PCDHA5: variants seen among roughly 807,000 people sequenced by gnomAD.
The protein encoded by PCDHA5 is protocadherin alpha-5.
A neutral mutation model predicts 61.6 loss-of-function variants in PCDHA5; 43 were observed. The ratio of observed to expected loss-of-function variants is 0.70; its 90% CI spans 0.55 to 0.90. The LOEUF is 0.90. Among genes scored for constraint, PCDHA5 ranks in the 40% least tolerant of loss-of-function variants. PCDHA5 has a pLI of 0.00. For synonymous variants in PCDHA5, 627 were observed against 543.9 expected, an observed-to-expected ratio of 1.15 and a Z score of -2.13; for missense variants, 1,298 against 1,222.7, an observed-to-expected ratio of 1.06 and a Z score of -0.92.
At chr5:140,992,152 A>G (rs1440263664) in intron 3 of PCDHA5, among the ~76,000 whole-genome samples, 2 of 152,004 alleles carry the variant, frequency 1.3e-5, no homozygotes, top group Non-Finnish European at 2.9e-5. Context: ...ACTTTGCTCA[A>G]TCAAGAAGTG....
rs1767274274 is a variant in PCDHA5, at chr5:140,822,325, A to G, written c.550A>G (p.Asn184Asp). The change falls in exon 1 of 4, where the codon AAT becomes GAT. Residue 184 changes from asparagine to aspartate, a missense_variant. Asn to Asp is a conservative substitution (Grantham distance 23, BLOSUM62 1). Coordinates refer to ENST00000529859, the MANE Select transcript of PCDHA5 (RefSeq NM_018908.3). The part of the protein sequence containing the change: ...NEYFDLDVKT[N>D]EEETNFLELV... ...ATATTTTGACTTAGATGTTAAAACAAATGAAGAAGAAACGAACTTTTTAGA... is the reference window on the plus strand; with the variant it reads ...ATATTTTGACTTAGATGTTAAAACAGATGAAGAAGAAACGAACTTTTTAGA... 1 of 1,614,194 alleles carries G rather than the reference A, an allele frequency of 6.2e-7. No individual in the cohort carries two copies. Among genetic ancestry groups the G allele is most frequent in the Non-Finnish European group, 8.5e-7 (1 of 1,180,018 alleles).
chr5:141,001,324 C>G (rs1455380423), intron 3 of PCDHA5, among the ~76,000 whole-genome samples: 2 of 152,154 alleles, frequency 1.3e-5, no homozygotes, highest in Non-Finnish European at 1.5e-5. Flanking sequence ...TGCCAAACAT[C>G]ACCATAATTT....
rs782398517 is a variant in PCDHA5 at position 140,857,600 on chromosome 5, G to T, written c.2352+33473G>T. 9 of 1,596,344 alleles carry T rather than the reference G, an allele frequency of 5.6e-6. No homozygotes were observed. Among genetic ancestry groups the T allele is most frequent in the Non-Finnish European group, 7.7e-6 (9 of 1,167,692 alleles). On this transcript the variant is annotated intron_variant, in intron 1 of 3. Transcript: ENST00000529859. ...GCACGCGGAGAGCGGCAAGGTGTAC[G>T]CGCTGCAGCCGCTGGACCACGAGGA...
chr5:140,846,514 A>G (rs1554141354), intron 1 of PCDHA5, among the ~76,000 whole-genome samples: 1 of 147,154 alleles, frequency 6.8e-6, no homozygotes, highest in African/African-American at 2.5e-5. Flanking sequence ...AGCTGGGATT[A>G]CAGGTGCATG....
At chr5:140,843,439 G>A (rs2150360020) in intron 1 of PCDHA5, 5 of 1,596,092 alleles carry the variant, frequency 3.1e-6, no homozygotes, top group South Asian at 1.1e-5. Context: ...CCATCTGCGC[G>A]GTATCCAGCC....
intron 1 of PCDHA5, among the ~76,000 whole-genome samples, chr5:140,947,763 A>C (rs1392881813): frequency 1.3e-5 from 2 of 151,658 alleles, no homozygotes; most frequent in Non-Finnish European, 3.0e-5. Context: ...TGGTTTAAAA[A>C]ATTCTATTGT....
chr5:140,964,079 G>A (rs1209152794), intron 1 of PCDHA5, among the ~76,000 whole-genome samples: 3 of 152,178 alleles, frequency 2.0e-5, no homozygotes, highest in African/African-American at 7.2e-5. Flanking sequence ...GTTAATATTT[G>A]TAGAAAGGGT....
At position 140,848,981 on chromosome 5, in the gene PCDHA5, C is replaced by A. The variant is rs2150427833; in HGVS notation, c.2352+24854C>A. 2.6e-5 allele frequency: 41 copies of A among 1,598,746 alleles called. No homozygotes were observed. The Middle Eastern group carries it at 5.0e-4, about 19-fold the overall frequency. On this transcript the variant is annotated intron_variant, in intron 1 of 3. Transcript: ENST00000529859. ...TAGAGGGCGCGTCCGATGCAGATAT[C>A]GGGGAGAACGCCCTGCTCACTTACA...
chr5:140,842,884 G>T, intron 1 of PCDHA5: 1 of 1,594,190 alleles, frequency 6.3e-7, no homozygotes, highest in South Asian at 1.1e-5. Context: ...ACGCGCTGCA[G>T]CCGCTGGACC....
At chr5:140,852,885 AT>A (rs2150523673) in intron 1 of PCDHA5, 17,743 of 732,756 alleles carry the variant, frequency 0.024, 6 homozygotes, top group Non-Finnish European at 0.027. Flanking sequence ...CATAAAACGT[AT>A]TTTTTTTTTT....
intron 1 of PCDHA5, among the ~76,000 whole-genome samples, chr5:140,939,732 G>C (rs2092446551): frequency 6.6e-6 from 1 of 152,168 alleles, no homozygotes; most frequent in African/African-American, 2.4e-5. Context: ...GTTGTGTGTA[G>C]CTGTGTATCA....
chr5:140,940,076 T>C (rs1469877434), intron 1 of PCDHA5, among the ~76,000 whole-genome samples: 2 of 152,230 alleles, frequency 1.3e-5, no homozygotes, highest in Non-Finnish European at 2.9e-5. Flanking sequence ...ATGTGATATC[T>C]TTCTGCTAAA....
At chr5:140,875,447 C>G (rs532829491) in intron 1 of PCDHA5, 1 of 1,584,206 alleles carries the variant, frequency 6.3e-7, no homozygotes, top group African/African-American at 1.4e-5. Flanking sequence ...CTGATTGTCC[C>G]AACTCAGAGG....
At chr5:140,962,546 G>A (rs2095690873) in intron 1 of PCDHA5, among the ~76,000 whole-genome samples, 7 of 152,094 alleles carry the variant, frequency 4.6e-5, no homozygotes, top group Admixed American at 4.6e-4. Flanking sequence ...TAAAAATGTA[G>A]AGGATCTCCC....
chr5:140,904,162 A>G (rs1554191325), intron 1 of PCDHA5, among the ~76,000 whole-genome samples: 1 of 152,028 alleles, frequency 6.6e-6, no homozygotes, highest in Non-Finnish European at 1.5e-5. Context: ...CCCAGTTTGT[A>G]GTCTTTTATT....
intron 3 of PCDHA5, among the ~76,000 whole-genome samples, chr5:140,987,478 T>A (rs2097255782): frequency 6.6e-6 from 1 of 152,104 alleles, no homozygotes. Flanking sequence ...AGCTTGGGAG[T>A]CAGTGACCCT....
chr5:140,829,050 T>G (rs1554131730), intron 1 of PCDHA5: 2 of 1,613,108 alleles, frequency 1.2e-6, no homozygotes. Flanking sequence ...AAAATCCTCA[T>G]TGACGCCACG....
chr5:140,885,925 T>A lies in PCDHA5; in HGVS notation c.2352+61798T>A, dbSNP rs1431219397. The stretch of plus-strand genomic sequence containing the variant: ...CTGTACCTTATAGATATTAACTGTT[T>A]ATCTATTTTTTGACATTTTTAATTA... On this transcript the variant is annotated intron_variant, in intron 1 of 3. Coordinates refer to ENST00000529859, the MANE Select transcript of PCDHA5 (RefSeq NM_018908.3). 2.0e-5 allele frequency among the ~76,000 whole-genome samples: 3 copies of A among 151,896 alleles called. No homozygotes were observed. In the East Asian group the frequency reaches 5.8e-4, roughly 29 times the overall value.
chr5:140,957,438 A>T (rs1554222966), intron 1 of PCDHA5, among the ~76,000 whole-genome samples: 1 of 152,216 alleles, frequency 6.6e-6, no homozygotes, highest in Non-Finnish European at 1.5e-5. Context: ...TGCCTAATTT[A>T]TAAATCACAC....
Sources: gnomAD v4.1 joint callset for allele counts (sites outside exome capture counted in the v4.1 genomes callset) on GRCh38, gnomAD v4.1.1 for gene constraint, MANE v1.5 for transcripts, NCBI Gene and HGNC (gene_info 2026-07-23, HGNC 2026-07-21) for gene names.